Variants in PTH2R observed in about 807,000 individuals in gnomAD.
PTH2R encodes the protein parathyroid hormone 2 receptor, also known as PTH2 receptor.
A neutral mutation model predicts 60.3 loss-of-function variants in PTH2R; 59 were observed. The ratio of observed to expected loss-of-function variants is 0.98; its 90% confidence interval spans 0.79 to 1.22. The LOEUF is 1.22. Among genes scored for constraint, PTH2R ranks in the 50% most tolerant of loss-of-function variants. The pLI is 0.00. For synonymous variants in PTH2R, 256 were observed against 243.8 expected, an observed-to-expected ratio of 1.05 and a Z score of -0.47; for missense variants, 749 against 682.6, an observed-to-expected ratio of 1.10 and a Z score of -1.08.
At position 208,442,367 on chromosome 2, in the gene PTH2R, G is replaced by A. The variant is rs768513466; in HGVS notation, c.415G>A (p.Glu139Lys). 6.8e-6 allele frequency: 11 copies of A among 1,608,360 alleles called. No individual in the cohort carries two copies. The African/African-American group carries it at 1.5e-4, about 22-fold the overall frequency. The change falls in exon 5 of 13, where the codon GAA becomes AAA. Residue 139 changes from glutamate to lysine, a missense_variant. By Grantham distance (56) the Glu-to-Lys change is moderately conservative (BLOSUM62 1). Transcript: ENST00000272847. ...LQPDISIGKQ[E>K]FFERLYVMYT... is the part of the protein sequence containing the mutation. ...ATGAGCATCTCTTCCCTTGCAGCAA[G>A]AATTCTTTGAACGCCTCTATGTAAT...
chr2:208,478,941 A>G (rs1164180947), intron 9 of PTH2R, among the ~76,000 whole-genome samples: 1 of 152,222 alleles, frequency 6.6e-6, no homozygotes, highest in Non-Finnish European at 1.5e-5. Flanking sequence ...CATAGTTAGT[A>G]GTCAATAACT....
At chr2:208,457,286 G>A (rs1459079725) in intron 8 of PTH2R, among the ~76,000 whole-genome samples, 1 of 152,136 alleles carries the variant, frequency 6.6e-6, no homozygotes. Flanking sequence ...GTTAAATAAT[G>A]TGAAAAACAG....
At chr2:208,363,994 C>T (rs1221804920) in intron 1 of PTH2R, among the ~76,000 whole-genome samples, 2 of 152,252 alleles carry the variant, frequency 1.3e-5, no homozygotes, top group East Asian at 3.9e-4. Flanking sequence ...TTTTGCTATG[C>T]AGAAGCTCTT....
chr2:208,433,970 A>AT (rs1459248452), intron 2 of PTH2R, among the ~76,000 whole-genome samples: 3 of 152,164 alleles, frequency 2.0e-5, no homozygotes, highest in Non-Finnish European at 4.4e-5. Flanking sequence ...TAATGAAAGT[A>AT]TTTACTCACA....
chr2:208,431,913 G>A (rs1374767028), intron 2 of PTH2R, among the ~76,000 whole-genome samples: 3 of 152,174 alleles, frequency 2.0e-5, no homozygotes, highest in African/African-American at 4.8e-5. Flanking sequence ...AGCCAGCTAA[G>A]CCATATTTAA....
intron 1 of PTH2R, among the ~76,000 whole-genome samples, chr2:208,399,862 T>C (rs1162773184): frequency 6.6e-6 from 1 of 152,060 alleles, no homozygotes; most frequent in Admixed American, 6.5e-5. Context: ...TTATTTGAGG[T>C]TTTTCTTTCC....
Position 208,490,684 on chromosome 2 carries a change from G to C in PTH2R, c.1257+4G>C. 6.2e-7 allele frequency: 1 copy of C among 1,607,888 alleles called. No homozygotes were observed. The highest frequency in any genetic ancestry group is 8.5e-7 in the Non-Finnish European group (1 of 1,178,330). ...CTACTGCTACTGCAATGGAGAGGTA[G>C]GTTTGTAGGAACCTTGGACAGGTCT... On this transcript the variant is annotated splice_donor_region_variant and intron_variant, in intron 12 of 12. Transcript: ENST00000272847.
chr2:208,406,659 GC>G (rs1348398566), upstream of PTH2R, among the ~76,000 whole-genome samples: 1 of 152,122 alleles, frequency 6.6e-6, no homozygotes, highest in Non-Finnish European at 1.5e-5. Flanking sequence ...TTTGCCCTCC[GC>G]CCCCTGGGCT....
At chr2:208,433,969 T>A (rs1368940495) in intron 2 of PTH2R, among the ~76,000 whole-genome samples, 1 of 152,188 alleles carries the variant, frequency 6.6e-6, no homozygotes, top group Non-Finnish European at 1.5e-5. Context: ...ATAATGAAAG[T>A]ATTTACTCAC....
intron 7 of PTH2R, among the ~76,000 whole-genome samples, chr2:208,450,098 G>A (rs1163767627): frequency 3.9e-5 from 6 of 152,126 alleles, no homozygotes; most frequent in South Asian, 2.1e-4. Flanking sequence ...AACGAAAGTC[G>A]GTATAATGGA....
At chr2:208,372,797 T>C (rs1700725397) in intron 1 of PTH2R, among the ~76,000 whole-genome samples, 1 of 152,002 alleles carries the variant, frequency 6.6e-6, no homozygotes, top group African/African-American at 2.4e-5. Context: ...AAAGAAAATA[T>C]GTTCTGGCTG....
chr2:208,414,240 T>A (rs1339888650), intron 1 of PTH2R, among the ~76,000 whole-genome samples: 1 of 152,170 alleles, frequency 6.6e-6, no homozygotes, highest in Admixed American at 6.5e-5. Flanking sequence ...GAGCTAGAAC[T>A]TAAAATGGTG....
intron 1 of PTH2R, among the ~76,000 whole-genome samples, chr2:208,421,415 TTG>T (rs1360108536): frequency 2.0e-5 from 3 of 151,898 alleles, no homozygotes; most frequent in Non-Finnish European, 4.4e-5. Flanking sequence ...GCATGCTTCC[TTG>T]TGTGTGTTTG....
rs545729242 is a variant in PTH2R at position 208,479,505 on chromosome 2, TAGAG to T, written c.982-1561_982-1558del. Among the ~76,000 whole-genome samples the T allele has an allele frequency of 3.3e-5, 5 of 152,314 alleles. No homozygotes were observed. The South Asian group carries it at 1.0e-3, about 32-fold the overall frequency. Reference sequence around the variant, plus strand: ...ATCGTATTGCCGGTGACTGTTGTCTTAGAGAGACAGGAATTAATGGGGCATGAAA... The same window carrying T: ...ATCGTATTGCCGGTGACTGTTGTCTTAGACAGGAATTAATGGGGCATGAAA... On this transcript the variant is annotated intron_variant, in intron 9 of 12. Transcript: ENST00000272847.
chr2:208,437,469 T>C (rs1279959270), intron 2 of PTH2R, 68 bp from the exon 3 acceptor site: 10 of 1,347,558 alleles, frequency 7.4e-6, no homozygotes, highest in Admixed American at 2.4e-5. Flanking sequence ...GTTTTTTGAA[T>C]GCATTTGTTC....
At chr2:208,382,000 TG>T (rs1352724992) in intron 1 of PTH2R, among the ~76,000 whole-genome samples, 3 of 152,122 alleles carry the variant, frequency 2.0e-5, no homozygotes, top group Admixed American at 6.5e-5. Context: ...AAAGCTCACA[TG>T]TAGCTACAAG....
At chr2:208,458,609 C>G (rs529273713) in intron 8 of PTH2R, among the ~76,000 whole-genome samples, 17 of 152,216 alleles carry the variant, frequency 1.1e-4, no homozygotes, top group South Asian at 4.2e-4. Context: ...TACCTTCCCC[C>G]CTCAAGTACA....
At chr2:208,471,561 G>A (rs1255283208) in intron 9 of PTH2R, among the ~76,000 whole-genome samples, 1 of 152,212 alleles carries the variant, frequency 6.6e-6, no homozygotes, top group African/African-American at 2.4e-5. Context: ...ATTGAGGTTT[G>A]GAAACCTCTG....
chr2:208,445,722 G>T (rs1702275909), intron 7 of PTH2R, among the ~76,000 whole-genome samples: 2 of 152,064 alleles, frequency 1.3e-5, no homozygotes. Flanking sequence ...ATATGCCTTT[G>T]CCTATTTTGC....
Sources: gnomAD v4.1 joint callset for allele counts (sites outside exome capture counted in the v4.1 genomes callset) on GRCh38, gnomAD v4.1.1 for gene constraint, MANE v1.5 for transcripts, NCBI Gene and HGNC (gene_info 2026-07-23, HGNC 2026-07-21) for gene names.